Variants in GOLGA4 observed in about 807,000 individuals in gnomAD.
GOLGA4 encodes golgin A4.
GOLGA4 carries 169 observed loss-of-function variants against 265.9 expected under a neutral mutation model. The observed-to-expected ratio is 0.64, with a 90% CI of 0.56 to 0.72. The LOEUF is 0.72. Ranked by LOEUF, GOLGA4 falls within the 30% of genes least tolerant of loss-of-function variation. The probability of loss-of-function intolerance (pLI) is 0.00; values close to 1 mark genes in which losing one functional copy is unlikely to be tolerated. For synonymous variants in GOLGA4, 923 were observed against 855.8 expected (o/e 1.08, Z -1.37); for missense variants, 2,482 against 2,483.4 (o/e 1.00, Z 0.01).
Position 37,335,530 on chromosome 3 carries a change from A to G in GOLGA4, c.6306+364A>G, listed in dbSNP as rs562434150. Among the ~76,000 whole-genome samples the G allele has an allele frequency of 6.5e-3, 993 of 152,320 alleles. 14 individuals are homozygous for G. The highest frequency in any genetic ancestry group is 0.022 in the African/African-American group (928 of 41,570). ...GGTCCATTGTAAATGTGATACTTTT[A>G]GATTTTTGGATTTTTGTGCTAAAAA... On this transcript the variant is annotated intron_variant, in intron 17 of 23. Transcript: ENST00000361924.
chr3:37,265,698 C>T (rs2096781785), intron 2 of GOLGA4, among the ~76,000 whole-genome samples: 1 of 152,146 alleles, frequency 6.6e-6, no homozygotes, highest in South Asian at 2.1e-4. Flanking sequence ...CCTCCTACCC[C>T]CACTGTTACT....
chr3:37,316,836 G>A (rs2096939021), intron 11 of GOLGA4, among the ~76,000 whole-genome samples: 1 of 151,424 alleles, frequency 6.6e-6, no homozygotes, highest in Non-Finnish European at 1.5e-5. Flanking sequence ...GATTTATTAG[G>A]CTTTCCTTTA....
chr3:37,275,226 A>G (rs1173571325), intron 2 of GOLGA4, among the ~76,000 whole-genome samples: 3 of 148,882 alleles, frequency 2.0e-5, no homozygotes, highest in African/African-American at 2.5e-5. Context: ...AAAAAAAAAA[A>G]AAAAAAAAAA....
chr3:37,257,077 C>T (rs1034164259), intron 2 of GOLGA4, among the ~76,000 whole-genome samples: 1 of 152,064 alleles, frequency 6.6e-6, no homozygotes, highest in Non-Finnish European at 1.5e-5. Flanking sequence ...GCAGTCATTC[C>T]CACTCCTTCC....
intron 2 of GOLGA4, 139 bp downstream of exon 2, chr3:37,251,623 GTCT>G (rs755508147): frequency 2.1e-6 from 1 of 484,560 alleles, no homozygotes; most frequent in East Asian, 3.4e-5. Flanking sequence ...AACACAATTG[GTCT>G]TTTTTTTTTT....
intron 1 of GOLGA4, chr3:37,250,092 G>C (rs2096729867): frequency 6.6e-6 from 1 of 152,120 alleles, no homozygotes; most frequent in Admixed American, 6.5e-5. Context: ...TCTAACTTAC[G>C]GACTTATAAG....
At chr3:37,339,980 C>A in intron 19 of GOLGA4, 144 bp from the exon 20 acceptor site, 1 of 411,966 alleles carries the variant, frequency 2.4e-6, no homozygotes, top group Non-Finnish European at 4.4e-6. Flanking sequence ...AGAAACAATT[C>A]TTGCTCTAAA....
chr3:37,250,227 G>A (rs980222954), intron 1 of GOLGA4: 1 of 152,306 alleles, frequency 6.6e-6, no homozygotes, highest in South Asian at 2.1e-4. Context: ...TTCAGAGATT[G>A]TAGAAATAGA....
chr3:37,362,309 T>C (rs1234959826), intron 23 of GOLGA4, among the ~76,000 whole-genome samples: 2 of 148,224 alleles, frequency 1.3e-5, no homozygotes, highest in Non-Finnish European at 3.0e-5. Context: ...GGATCTCGGC[T>C]CACTGCAAGC....
At chr3:37,349,604 G>A (rs2097067290) in intron 21 of GOLGA4, among the ~76,000 whole-genome samples, 1 of 152,154 alleles carries the variant, frequency 6.6e-6, no homozygotes, top group South Asian at 2.1e-4. Context: ...AGTTTTACCT[G>A]TAGGTATTGG....
At chr3:37,249,658 A>G (rs2096728689) in intron 1 of GOLGA4, 1 of 152,078 alleles carries the variant, frequency 6.6e-6, no homozygotes, top group Non-Finnish European at 1.5e-5. Context: ...CACATAGCTA[A>G]TTTCATCTGT....
intron 2 of GOLGA4, among the ~76,000 whole-genome samples, chr3:37,258,085 G>A (rs1179199125): frequency 7.9e-6 from 1 of 127,266 alleles, no homozygotes; most frequent in South Asian, 2.4e-4. Context: ...ATATATGTGT[G>A]TATATATATA....
intron 2 of GOLGA4, among the ~76,000 whole-genome samples, chr3:37,266,066 G>A (rs535528317): frequency 4.6e-5 from 7 of 151,618 alleles, no homozygotes; most frequent in South Asian, 2.1e-4. Context: ...GTTATAATAC[G>A]GTATTGTTAA....
chr3:37,297,933 G>A (rs2096882763), intron 7 of GOLGA4, among the ~76,000 whole-genome samples: 1 of 152,090 alleles, frequency 6.6e-6, no homozygotes, highest in African/African-American at 2.4e-5. Context: ...GGAGGTTGAG[G>A]CAGGGGAATT....
chr3:37,355,652 A>G (rs1695494158), intron 22 of GOLGA4, among the ~76,000 whole-genome samples: 1 of 152,126 alleles, frequency 6.6e-6, no homozygotes. Context: ...TATGGGGGCA[A>G]TCAGACAAAC....
chr3:37,260,540 G>A (rs2096766815), intron 2 of GOLGA4, among the ~76,000 whole-genome samples: 1 of 152,024 alleles, frequency 6.6e-6, no homozygotes, highest in Non-Finnish European at 1.5e-5. Flanking sequence ...GGAGGCTGAG[G>A]CGGGAGAATC....
At chr3:37,244,502 G>A (rs1441842641) in intron 1 of GOLGA4, among the ~76,000 whole-genome samples, 4 of 152,216 alleles carry the variant, frequency 2.6e-5, no homozygotes, top group Non-Finnish European at 5.9e-5. Flanking sequence ...GGTCTTAACA[G>A]CGAAGACGTC....
intron 19 of GOLGA4, among the ~76,000 whole-genome samples, chr3:37,338,760 C>A (rs570456311): frequency 6.6e-6 from 1 of 152,226 alleles, no homozygotes; most frequent in Admixed American, 6.5e-5. Flanking sequence ...CTCCCCGTAA[C>A]ACCTAGCAAC....
chr3:37,355,724 A>G (rs555535555), intron 22 of GOLGA4, among the ~76,000 whole-genome samples: 2 of 152,198 alleles, frequency 1.3e-5, no homozygotes, highest in South Asian at 4.1e-4. Context: ...AAAGAAACAC[A>G]CACTTTGTAA....
Sources: gnomAD v4.1 joint callset for allele counts (sites outside exome capture counted in the v4.1 genomes callset) on GRCh38, gnomAD v4.1.1 for gene constraint, MANE v1.5 for transcripts, NCBI Gene and HGNC (gene_info 2026-07-23, HGNC 2026-07-21) for gene names.